Variants in MAGI1 observed in about 807,000 individuals in gnomAD.
The protein encoded by MAGI1 is membrane associated guanylate kinase, WW and PDZ domain containing 1.
Under a neutral mutation model 139.9 loss-of-function variants are expected in MAGI1, and 58 were observed. The ratio of observed to expected loss-of-function variants is 0.41; its 90% confidence interval spans 0.34 to 0.52. The LOEUF (loss-of-function observed/expected upper bound fraction) is 0.52. Ranked by LOEUF, MAGI1 falls within the 20% of genes least tolerant of loss-of-function variation. The pLI, the probability that MAGI1 is intolerant of heterozygous loss-of-function variation, is 0.12. For synonymous variants in MAGI1, 812 were observed against 737.9 expected, an observed-to-expected ratio of 1.10 and a Z score of -1.63; for missense variants, 1,874 against 1,901.6, an observed-to-expected ratio of 0.99 and a Z score of 0.27.
chr3:65,769,976 T>A (rs943052685), intron 1 of MAGI1, among the ~76,000 whole-genome samples: 4 of 152,154 alleles, frequency 2.6e-5, no homozygotes, highest in African/African-American at 9.7e-5. Context: ...GCAAAGATGT[T>A]CACTTTCAAA....
intron 2 of MAGI1, among the ~76,000 whole-genome samples, chr3:65,530,728 C>CGTAT (rs1553661837): frequency 9.3e-6 from 1 of 107,368 alleles, no homozygotes; most frequent in Non-Finnish European, 1.8e-5. Flanking sequence ...TATATACACA[C>CGTAT]GTATATATAT....
chr3:65,795,629 A>G (rs572025458), intron 1 of MAGI1, among the ~76,000 whole-genome samples: 2 of 151,942 alleles, frequency 1.3e-5, no homozygotes, highest in South Asian at 4.2e-4. Context: ...CAGAATAAGA[A>G]GTTTAACTTA....
At chr3:65,708,539 C>T (rs1404776728) in intron 1 of MAGI1, among the ~76,000 whole-genome samples, 1 of 151,876 alleles carries the variant, frequency 6.6e-6, no homozygotes, top group Non-Finnish European at 1.5e-5. Context: ...AGAAAGTGCT[C>T]AATTATTTCT....
chr3:65,766,449 G>C (rs1275783002), intron 1 of MAGI1, among the ~76,000 whole-genome samples: 2 of 152,090 alleles, frequency 1.3e-5, no homozygotes, highest in Non-Finnish European at 2.9e-5. Flanking sequence ...GCAAGGGATT[G>C]TACAGCTATT....
At chr3:65,957,526 AAAAAAAAAG>A (rs2064189329) in intron 1 of MAGI1, among the ~76,000 whole-genome samples, 1 of 129,636 alleles carries the variant, frequency 7.7e-6, no homozygotes, top group Non-Finnish European at 1.6e-5. Flanking sequence ...ATCTCAAAAA[AAAAAAAAAG>A]AAAAAGAAAA....
At chr3:65,546,224 A>G (rs538739847) in intron 2 of MAGI1, among the ~76,000 whole-genome samples, 4 of 152,280 alleles carry the variant, frequency 2.6e-5, no homozygotes, top group Admixed American at 1.3e-4. Flanking sequence ...TCATTCAGCA[A>G]TTATTCTAGG....
intron 1 of MAGI1, among the ~76,000 whole-genome samples, chr3:65,707,691 A>C (rs2030599764): frequency 1.0e-5 from 1 of 97,732 alleles, no homozygotes; most frequent in African/African-American, 4.2e-5. Flanking sequence ...CCCTATCTCA[A>C]AAAAAAAAAA....
rs755667537 is a variant in MAGI1 at position 65,364,856 on chromosome 3, G to A, written c.3287C>T (p.Thr1096Ile). Residue 1096 changes from threonine to isoleucine, a missense_variant, in exon 19 of 23, where the codon ACA becomes ATA. By Grantham distance (89) the Thr-to-Ile change is moderately conservative. Transcript: ENST00000402939. Reference protein sequence around the residue: ...HTPSQQGTQETRNTTKPKQES... With the variant: ...HTPSQQGTQEIRNTTKPKQES... ...AAGGAAACCAGTCATGTCTGACCTT[G>A]TCTCCTGGGTCCCTTGCTGAGAAGG... The A allele has an allele frequency of 2.5e-5, 41 of 1,614,030 alleles. 1 individual carries two copies. The Middle Eastern group carries it at 5.9e-3, about 234-fold the overall frequency.
intron 2 of MAGI1, among the ~76,000 whole-genome samples, chr3:65,568,746 G>A (rs935769899): frequency 6.6e-6 from 1 of 152,082 alleles, no homozygotes; most frequent in Non-Finnish European, 1.5e-5. Flanking sequence ...ACCAGTTCAG[G>A]GTGTTCAGTA....
chr3:65,736,207 C>G (rs1243936887), intron 1 of MAGI1, among the ~76,000 whole-genome samples: 1 of 152,172 alleles, frequency 6.6e-6, no homozygotes, highest in African/African-American at 2.4e-5. Context: ...TTCTATCATT[C>G]TATTTCCAAC....
intron 1 of MAGI1, among the ~76,000 whole-genome samples, chr3:65,959,058 A>C (rs1560055760): frequency 6.6e-6 from 1 of 152,070 alleles, no homozygotes; most frequent in African/African-American, 2.4e-5. Flanking sequence ...GGTGCTTCTT[A>C]CAACTGCCAA....
chr3:65,813,473 A>G (rs1207327752), intron 1 of MAGI1, among the ~76,000 whole-genome samples: 1 of 152,224 alleles, frequency 6.6e-6, no homozygotes, highest in Non-Finnish European at 1.5e-5. Flanking sequence ...GGACAAAATG[A>G]GCTTCTATTT....
intron 1 of MAGI1, among the ~76,000 whole-genome samples, chr3:65,961,459 A>T (rs575894526): frequency 6.6e-6 from 1 of 152,268 alleles, no homozygotes; most frequent in Non-Finnish European, 1.5e-5. Flanking sequence ...ATAGATGATC[A>T]GTATAATAAA....
chr3:66,016,840 T>C (rs1288669446), intron 1 of MAGI1, among the ~76,000 whole-genome samples: 1 of 152,236 alleles, frequency 6.6e-6, no homozygotes, highest in African/African-American at 2.4e-5. Context: ...TCTGACACGC[T>C]GCAGCGTGGA....
intron 1 of MAGI1, among the ~76,000 whole-genome samples, chr3:65,922,046 T>C (rs2062231304): frequency 6.6e-6 from 1 of 152,182 alleles, no homozygotes; most frequent in African/African-American, 2.4e-5. Context: ...GTACCTGCCA[T>C]GTGCTAGCTC....
intron 1 of MAGI1, among the ~76,000 whole-genome samples, chr3:65,768,671 T>C (rs905400525): frequency 1.3e-5 from 2 of 152,202 alleles, no homozygotes; most frequent in Non-Finnish European, 2.9e-5. Flanking sequence ...TATTAATAAA[T>C]GGCAAAGATG....
chr3:65,646,416 C>T (rs1177842543), intron 1 of MAGI1, among the ~76,000 whole-genome samples: 2 of 151,882 alleles, frequency 1.3e-5, no homozygotes, highest in African/African-American at 4.8e-5. Context: ...ACTGATAGAA[C>T]AGAAAAGAGA....
chr3:65,534,005 C>T (rs1248630725), intron 2 of MAGI1, among the ~76,000 whole-genome samples: 1 of 152,184 alleles, frequency 6.6e-6, no homozygotes, highest in Non-Finnish European at 1.5e-5. Flanking sequence ...CTGGAGATGA[C>T]TGAAGCCTGA....
chr3:65,546,276 C>T (rs75562181), intron 2 of MAGI1, among the ~76,000 whole-genome samples: 3 of 152,090 alleles, frequency 2.0e-5, no homozygotes, highest in Non-Finnish European at 4.4e-5. Context: ...ACTCTTGCCC[C>T]CATGGAGGTG....
Sources: gnomAD v4.1 joint callset for allele counts (sites outside exome capture counted in the v4.1 genomes callset) on GRCh38, gnomAD v4.1.1 for gene constraint, MANE v1.5 for transcripts, NCBI Gene and HGNC (gene_info 2026-07-23, HGNC 2026-07-21) for gene names.